Variants in SETD4 observed in about 807,000 individuals in gnomAD.
SETD4 encodes the protein SET domain-containing protein 4.
SETD4 carries 46 observed loss-of-function variants against 58.3 expected under a neutral mutation model. The observed-to-expected ratio is 0.79, with a 90% confidence interval of 0.62 to 1.01. The LOEUF (loss-of-function observed/expected upper bound fraction) is 1.01. SETD4 is among the 50% of genes least tolerant of loss of function. SETD4 has a pLI of 0.00. For missense variants in SETD4, 490 were observed against 523.3 expected, an observed-to-expected ratio of 0.94 and a Z score of 0.62; for synonymous variants, 190 against 202.6, an observed-to-expected ratio of 0.94 and a Z score of 0.53.
intron 4 of SETD4, among the ~76,000 whole-genome samples, chr21:36,049,561 GA>G (rs997893130): frequency 7.7e-4 from 115 of 149,584 alleles, no homozygotes; most frequent in Non-Finnish European, 1.2e-3. Flanking sequence ...TCTCAAAAAA[GA>G]AAAAAAAAAT....
rs1050751043 is a variant in SETD4, at chr21:36,041,734, G to T, written c.983+73C>A. 20 of 1,099,268 alleles carry T rather than the reference G, an allele frequency of 1.8e-5. No homozygotes were observed. In the African/African-American group the frequency reaches 2.7e-4, roughly 15 times the overall value. 68.1% of individuals were successfully genotyped at this position (1,099,268 alleles called of 1,614,324 possible). On this transcript the variant is annotated intron_variant, in intron 8 of 11. Transcript: ENST00000332131. ...GGTCAGGAGGGGTCTCACCCCCATGGAAAATTTAACCCCAGGTTTTCCATG... is the reference window on the plus strand; with the variant it reads ...GGTCAGGAGGGGTCTCACCCCCATGTAAAATTTAACCCCAGGTTTTCCATG...
intron 4 of SETD4, among the ~76,000 whole-genome samples, chr21:36,048,998 C>T (rs910965481): frequency 1.3e-5 from 2 of 152,024 alleles, no homozygotes; most frequent in Non-Finnish European, 2.9e-5. Context: ...AAATTGTATC[C>T]AGTGAAATCC....
At chr21:36,060,157 C>G (rs1238855400) in intron 1 of SETD4, 190 bp downstream of exon 1, 7 of 983,236 alleles carry the variant, frequency 7.1e-6, no homozygotes, top group Non-Finnish European at 8.5e-6. Flanking sequence ...GCAACATGCG[C>G]TAAGTGTAGG....
chr21:36,045,682 A>G lies in SETD4; in HGVS notation c.626T>C (p.Val209Ala), dbSNP rs1386790252. 6.2e-7 allele frequency: 1 copy of G among 1,614,198 alleles called. No homozygotes were observed. Among genetic ancestry groups the G allele is most frequent in the Non-Finnish European group, 8.5e-7 (1 of 1,180,022 alleles). Reference sequence around the variant, plus strand: ...TTCCCGCTGCCTGGGCCTCAGGTACACGGCTCTGGTGTTGACGGTGCACCA... The same window carrying G: ...TTCCCGCTGCCTGGGCCTCAGGTACGCGGCTCTGGTGTTGACGGTGCACCA... ...WAWCTVNTRAVYLRPRQRECL... is the reference protein window; with the variant it reads ...WAWCTVNTRAAYLRPRQRECL... The change falls in exon 6 of 12, where the codon GTG becomes GCG. Residue 209 changes from valine to alanine, a missense_variant. Coordinates refer to ENST00000332131, the MANE Select transcript of SETD4 (RefSeq NM_017438.5).
chr21:36,054,319 T>A (rs986787056), intron 3 of SETD4, among the ~76,000 whole-genome samples: 4 of 152,248 alleles, frequency 2.6e-5, no homozygotes, highest in African/African-American at 9.6e-5. Context: ...TCTCCCTTCA[T>A]GCCTAAGCTT....
intron 9 of SETD4, among the ~76,000 whole-genome samples, chr21:36,040,191 C>G (rs988534504): frequency 6.6e-6 from 1 of 152,230 alleles, no homozygotes; most frequent in Non-Finnish European, 1.5e-5. Flanking sequence ...GGATCTCCCC[C>G]AGGGCAGGAC....
rs77025578 is a variant in SETD4 at position 36,040,807 on chromosome 21, G to T, written c.984-152C>A. On this transcript the variant is annotated intron_variant, in intron 8 of 11. Transcript: ENST00000332131. Reference sequence around the variant, plus strand: ...CCAAAGGACAAGAGAAAATCAGTCTGCAAATACTTAAGAAGAAAGCCTAAG... The same window carrying T: ...CCAAAGGACAAGAGAAAATCAGTCTTCAAATACTTAAGAAGAAAGCCTAAG... The T allele has an allele frequency of 1.0e-3, 653 of 634,656 alleles. 5 individuals are homozygous for T. The highest frequency in any genetic ancestry group is 0.01 in the African/African-American group (556 of 54,480). 39.3% of individuals were successfully genotyped at this position (634,656 alleles called of 1,614,324 possible).
At chr21:36,059,681 C>G in intron 1 of SETD4, 1 of 936,890 alleles carries the variant, frequency 1.1e-6, no homozygotes, top group Non-Finnish European at 1.3e-6. Flanking sequence ...GAGCGAGACT[C>G]TGTCACAAAA....
At chr21:36,054,700 G>A (rs1328876479) in intron 3 of SETD4, among the ~76,000 whole-genome samples, 2 of 152,068 alleles carry the variant, frequency 1.3e-5, no homozygotes, top group East Asian at 3.9e-4. Context: ...CGGTTTCCTG[G>A]CAGGTTGGAT....
Position 36,048,357 on chromosome 21 carries a change from GCAGGCAACTCT to G in SETD4, c.236_246del (p.Glu79AlafsTer17). The G allele has an allele frequency of 6.2e-7, 1 of 1,614,134 alleles. No homozygotes were observed. Among genetic ancestry groups the G allele is most frequent in the Non-Finnish European group, 8.5e-7 (1 of 1,180,036 alleles). ...CTTCGAATCACTGTGTCCGTGGTGA[GCAGGCAACTCT>G]CAGGCAACGAAATAATCATCTGTCC... On this transcript the variant is annotated frameshift_variant, in exon 5 of 12. Transcript: ENST00000332131. LOFTEE classifies it high-confidence loss of function.
At chr21:36,043,506 T>C (rs1040766251) in intron 7 of SETD4, 3 of 1,261,868 alleles carry the variant, frequency 2.4e-6, no homozygotes, top group Admixed American at 3.9e-5. Flanking sequence ...CCTTTAATAC[T>C]GTATTTATTT....
chr21:36,054,818 TCTTCC>T, intron 3 of SETD4, among the ~76,000 whole-genome samples: 1 of 137,920 alleles, frequency 7.3e-6, no homozygotes, highest in Non-Finnish European at 1.6e-5. Flanking sequence ...CTGCCTCAAG[TCTTCC>T]ATCAGCTTCC....
rs149120837 is a variant in SETD4 at position 36,045,693 on chromosome 21, G to T, written c.615C>A (p.Asn205Lys). ...SALLWAWCTV[N>K]TRAVYLRPRQ... The stretch of plus-strand genomic sequence containing the variant: ...TGGGCCTCAGGTACACGGCTCTGGT[G>T]TTGACGGTGCACCAAGCCCACAGCA... Residue 205 changes from asparagine to lysine, a missense_variant, in exon 6 of 12, where the codon AAC (asparagine) becomes AAA (lysine). Physicochemically the swap from Asn to Lys is moderately conservative, Grantham distance 94 (BLOSUM62 0). Coordinates refer to ENST00000332131, the MANE Select transcript of SETD4 (RefSeq NM_017438.5). 17 of 1,614,106 alleles carry T rather than the reference G, an allele frequency of 1.1e-5. No individual in the cohort carries two copies. Among genetic ancestry groups the T allele is most frequent in the East Asian group, 4.5e-5 (2 of 44,898 alleles).
intron 3 of SETD4, 62 bp from the exon 4 acceptor site, chr21:36,053,682 C>G: frequency 6.6e-7 from 1 of 1,524,120 alleles, no homozygotes; most frequent in African/African-American, 1.4e-5. Flanking sequence ...CCAGAGATAA[C>G]TATTATGGAA....
At chr21:36,051,106 G>A (rs1384542851) in intron 4 of SETD4, 4 of 1,414,170 alleles carry the variant, frequency 2.8e-6, no homozygotes, top group East Asian at 2.3e-5. Flanking sequence ...GATGTAGCTG[G>A]TATCAGAGCA....
Position 36,034,781 on chromosome 21 carries a change from C to G in SETD4, c.*1212G>C, listed in dbSNP as rs2063728903. On this transcript the variant is annotated 3_prime_UTR_variant, in exon 12 of 12. Transcript: ENST00000332131. ...AATCGCTGGGACTAAGACCACAGGT[C>G]CAGAAAGCTTCAAATGGTTACTATC... The G allele has an allele frequency of 1.3e-5, 2 of 152,074 alleles. No individual in the cohort carries two copies. The highest frequency in any genetic ancestry group is 2.9e-5 in the Non-Finnish European group (2 of 68,014). 9.4% of individuals were successfully genotyped at this position (152,074 alleles called of 1,614,324 possible).
rs561496718 is a variant in SETD4, at chr21:36,053,094, C to T, written c.207+489G>A. On this transcript the variant is annotated intron_variant, in intron 4 of 11. Coordinates refer to ENST00000332131, the MANE Select transcript of SETD4 (RefSeq NM_017438.5). ...GCACGTGGCTGGGGAAAGGCCAGCA[C>T]GGATCTCCTCCCTTGCAGCTGGCTA... is the stretch of plus-strand genomic sequence containing the variant. The T allele has an allele frequency of 1.3e-3, 201 of 158,336 alleles. 1 individual carries two copies. Among genetic ancestry groups the T allele is most frequent in the Admixed American group, 1.8e-3 (28 of 15,952 alleles). 9.8% of individuals were successfully genotyped at this position (158,336 alleles called of 1,614,324 possible).
At chr21:36,052,378 C>A (rs1216540350) in intron 4 of SETD4, among the ~76,000 whole-genome samples, 1 of 143,890 alleles carries the variant, frequency 6.9e-6, no homozygotes, top group African/African-American at 2.6e-5. Context: ...GAAACCCTGT[C>A]TCTACTAAAA....
intron 1 of SETD4, chr21:36,059,624 G>T: frequency 1.8e-6 from 1 of 557,690 alleles, no homozygotes; most frequent in Non-Finnish European, 2.3e-6. Context: ...GGAGGCGGAA[G>T]CTGCAGCTAG....
Sources: gnomAD v4.1 joint callset for allele counts (sites outside exome capture counted in the v4.1 genomes callset) on GRCh38, gnomAD v4.1.1 for gene constraint, MANE v1.5 for transcripts, NCBI Gene and HGNC (gene_info 2026-07-23, HGNC 2026-07-21) for gene names.